Variants in DOCK2 observed in about 807,000 individuals in gnomAD.
DOCK2 encodes the protein dedicator of cytokinesis 2, also known as dedicator of cytokinesis protein 2.
DOCK2 carries 87 observed loss-of-function variants against 248.9 expected under a neutral mutation model. The ratio of observed to expected loss-of-function variants is 0.35; its 90% CI spans 0.29 to 0.42. The LOEUF (loss-of-function observed/expected upper bound fraction) is 0.42, where lower values mean the gene tolerates loss of function less well. Ranked by LOEUF, DOCK2 falls within the 10% of genes least tolerant of loss-of-function variation. The pLI, the probability that DOCK2 is intolerant of heterozygous loss-of-function variation, is 1.00. For missense variants in DOCK2, 1,747 were observed against 2,300.2 expected (o/e 0.76, Z 4.92); for synonymous variants, 805 against 821.6 (o/e 0.98, Z 0.35).
intron 33 of DOCK2, among the ~76,000 whole-genome samples, chr5:170,025,790 CCCTTCCTTCCTTCCTTCCTT>C (rs1193226351): frequency 5.9e-5 from 4 of 67,544 alleles, no homozygotes; most frequent in Non-Finnish European, 1.2e-4. Context: ...CTCCTTCCCT[CCCTTCCTTCCTTCCTTCCTT>C]CCTTCCTTCC....
At chr5:170,074,440 G>A (rs1757776894) in intron 46 of DOCK2, among the ~76,000 whole-genome samples, 1 of 152,226 alleles carries the variant, frequency 6.6e-6, no homozygotes, top group African/African-American at 2.4e-5. Context: ...GAGTACAAGA[G>A]AGAGGGCCTT....
intron 27 of DOCK2, among the ~76,000 whole-genome samples, chr5:169,887,172 A>G (rs964088536): frequency 2.6e-5 from 4 of 152,190 alleles, no homozygotes; most frequent in African/African-American, 9.7e-5. Flanking sequence ...AAGGCTAGCA[A>G]GCAGGTTTCA....
At chr5:170,035,915 A>T (rs10040422) in intron 35 of DOCK2, among the ~76,000 whole-genome samples, 8,700 of 152,174 alleles carry the variant, frequency 0.057, 823 homozygotes, top group African/African-American at 0.2. Context: ...AAAAAATGCC[A>T]CAGGATTAGG....
intron 27 of DOCK2, among the ~76,000 whole-genome samples, chr5:169,947,981 G>C (rs1468341467): frequency 6.6e-6 from 1 of 152,098 alleles, no homozygotes; most frequent in Non-Finnish European, 1.5e-5. Flanking sequence ...CCAGAAGCAG[G>C]GTCAGGATTT....
chr5:169,772,803 C>CG (rs1765164100), intron 25 of DOCK2, among the ~76,000 whole-genome samples: 2 of 152,184 alleles, frequency 1.3e-5, no homozygotes, highest in African/African-American at 4.8e-5. Flanking sequence ...TCCCCCAGTA[C>CG]GTCTCAGCAT....
chr5:169,700,965 G>A (rs1175053483), intron 13 of DOCK2, among the ~76,000 whole-genome samples: 1 of 151,640 alleles, frequency 6.6e-6, no homozygotes, highest in Non-Finnish European at 1.5e-5. Flanking sequence ...AAGAAAGAAA[G>A]AGAAACAGCC....
At chr5:169,799,534 C>T (rs1238522201) in intron 25 of DOCK2, among the ~76,000 whole-genome samples, 1 of 152,130 alleles carries the variant, frequency 6.6e-6, no homozygotes, top group Admixed American at 6.5e-5. Context: ...TTGAAGATAA[C>T]TTTTAGCCAG....
intron 23 of DOCK2, among the ~76,000 whole-genome samples, chr5:169,756,917 C>A (rs1464514497): frequency 4.9e-5 from 7 of 142,950 alleles, no homozygotes; most frequent in African/African-American, 2.6e-5. Context: ...AAGAGTGAAA[C>A]TCTGTCTCAA....
intron 15 of DOCK2, among the ~76,000 whole-genome samples, chr5:169,710,600 G>A (rs1761523141): frequency 6.6e-6 from 1 of 152,208 alleles, no homozygotes; most frequent in Admixed American, 6.5e-5. Flanking sequence ...CTTGATCATA[G>A]CTTCAGATAT....
chr5:169,719,227 A>C (rs1395804566), intron 22 of DOCK2, among the ~76,000 whole-genome samples: 1 of 152,188 alleles, frequency 6.6e-6, no homozygotes, highest in Non-Finnish European at 1.5e-5. Context: ...TGTCCTTGAG[A>C]TCCTAGTAGC....
chr5:169,726,390 T>C (rs1383064651), intron 22 of DOCK2, among the ~76,000 whole-genome samples: 1 of 152,232 alleles, frequency 6.6e-6, no homozygotes, highest in Non-Finnish European at 1.5e-5. Context: ...AAGTTCTTTG[T>C]AGATTCTGCA....
intron 27 of DOCK2, chr5:169,881,372 A>G (rs1413000823): frequency 6.4e-7 from 1 of 1,551,368 alleles, no homozygotes; most frequent in African/African-American, 1.4e-5. Flanking sequence ...AGGTACCTGT[A>G]TATGATGCAC....
chr5:169,766,319 G>A (rs6876456), intron 25 of DOCK2, among the ~76,000 whole-genome samples: 20,739 of 152,080 alleles, frequency 0.14, 2,059 homozygotes, highest in Admixed American at 0.3. Context: ...GAGAACATGC[G>A]GCATTTGGTT....
At chr5:169,701,080 T>A (rs1385997349) in intron 13 of DOCK2, among the ~76,000 whole-genome samples, 1 of 152,238 alleles carries the variant, frequency 6.6e-6, no homozygotes, top group East Asian at 1.9e-4. Flanking sequence ...TCTGTTTCCC[T>A]GTTTCAGCCT....
intron 13 of DOCK2, among the ~76,000 whole-genome samples, chr5:169,700,883 G>GGAGAGA (rs372793221): frequency 6.7e-6 from 1 of 148,638 alleles, no homozygotes; most frequent in Non-Finnish European, 1.5e-5. Flanking sequence ...GCGGGGGCAG[G>GGAGAGA]GAGAGAGAGA....
chr5:169,699,957 C>A, intron 12 of DOCK2, 57 bp from the exon 13 acceptor site: 1 of 1,602,592 alleles, frequency 6.2e-7, no homozygotes, highest in Non-Finnish European at 8.5e-7. Context: ...GGCGGGAGGG[C>A]CGACTGAGGG....
intron 22 of DOCK2, among the ~76,000 whole-genome samples, chr5:169,735,342 C>A (rs772085795): frequency 9.2e-5 from 14 of 152,184 alleles, no homozygotes; most frequent in Admixed American, 3.9e-4. Context: ...TCCTCTGATT[C>A]TCTCAGCTCC....
intron 26 of DOCK2, among the ~76,000 whole-genome samples, chr5:169,818,212 C>A (rs1021728495): frequency 6.6e-6 from 1 of 152,166 alleles, no homozygotes; most frequent in Non-Finnish European, 1.5e-5. Flanking sequence ...AGGTTATATG[C>A]ACTTCACCTT....
At chr5:169,683,580 C>A (rs1345205682) in intron 7 of DOCK2, among the ~76,000 whole-genome samples, 1 of 152,174 alleles carries the variant, frequency 6.6e-6, no homozygotes, top group Non-Finnish European at 1.5e-5. Flanking sequence ...TGCTCTACAT[C>A]CTCGTCAACA....
Sources: gnomAD v4.1 joint callset for allele counts (sites outside exome capture counted in the v4.1 genomes callset) on GRCh38, gnomAD v4.1.1 for gene constraint, MANE v1.5 for transcripts, NCBI Gene and HGNC (gene_info 2026-07-23, HGNC 2026-07-21) for gene names.